SSTR3: variants seen among roughly 807,000 people sequenced by gnomAD.
SSTR3 encodes somatostatin receptor type 3.
For synonymous variants in SSTR3, 281 were observed against 269.2 expected (o/e 1.04, Z -0.43); for missense variants, 504 against 604.7 (o/e 0.83, Z 1.75).
At position 37,210,777 on chromosome 22, in the gene SSTR3, C is replaced by T. The variant is rs1409029135; in HGVS notation, c.-37+1048G>A. On this transcript the variant is annotated intron_variant, in intron 1 of 1. Transcript: ENST00000610913. ...GTTCAGGGAGGCCAGGCACCCCAAT[C>T]ATTCTCCATTTGCCCATCTCCCACC... 7 of 985,426 alleles carry T rather than the reference C, an allele frequency of 7.1e-6. No individual in the cohort carries two copies. In the East Asian group the frequency reaches 7.9e-4, roughly 112 times the overall value. The allele number at this position is 985,426 out of a possible 1,614,324, so 61.0% of individuals were successfully genotyped here. A position where few individuals can be genotyped will look rare whatever the true frequency, so the allele number is the denominator to read the frequency against.
At chr22:37,212,656 A>G (rs1284614989), upstream of SSTR3, among the ~76,000 whole-genome samples, 1 of 152,170 alleles carries the variant, frequency 6.6e-6, no homozygotes, top group South Asian at 2.1e-4. Context: ...GAATGTGCTC[A>G]GTGCTCAGGG....
At position 37,207,423 on chromosome 22, in the gene SSTR3, C is replaced by T. The variant is rs762108913; in HGVS notation, c.381G>A (p.Gln127=). ...CAGTCAGGCAGAATATGCTGGTGAA[C>T]TGGTTGATGCCATCCACCGCCATGA... is the stretch of plus-strand genomic sequence containing the variant. ...RLVMAVDGIN[Q]FTSIFCLTVM... The change falls in exon 2 of 2, where the codon CAG becomes CAA. Residue 127 remains glutamine (Q), a synonymous_variant. Coordinates refer to ENST00000610913, the MANE Select transcript of SSTR3 (RefSeq NM_001051.5). 2 of 1,613,366 alleles carry T rather than the reference C, an allele frequency of 1.2e-6. No individual in the cohort carries two copies. The highest frequency in any genetic ancestry group is 1.7e-6 in the Non-Finnish European group (2 of 1,179,754).
At chr22:37,217,001 A>G (rs991299623), upstream of SSTR3, among the ~76,000 whole-genome samples, 1 of 152,086 alleles carries the variant, frequency 6.6e-6, no homozygotes, top group Non-Finnish European at 1.5e-5. Context: ...GGGTTTTGCC[A>G]TGTTGCCAAG....
Position 37,206,612 on chromosome 22 carries a change from G to C in SSTR3, c.1192C>G (p.Gln398Glu). Residue 398 changes from glutamine to glutamate, a missense_variant, in exon 2 of 2, where the codon CAG becomes GAG. Coordinates refer to ENST00000610913, the MANE Select transcript of SSTR3 (RefSeq NM_001051.5). ...PPSRVASKEQ[Q>E]LLPQEASTGE... ...GTGGAAGCCTCTTGGGGTAGGAGCT[G>C]CTGCTCCTTGCTGGCCACTCTGCTG... 1 of 1,612,054 alleles carries C rather than the reference G, an allele frequency of 6.2e-7. No homozygotes were observed. The highest frequency in any genetic ancestry group is 8.5e-7 in the Non-Finnish European group (1 of 1,179,994).
At chr22:37,216,300 A>G (rs1303511872), upstream of SSTR3, among the ~76,000 whole-genome samples, 2 of 150,602 alleles carry the variant, frequency 1.3e-5, no homozygotes, top group African/African-American at 4.9e-5. Context: ...TAATCCCTCA[A>G]TTTTACCCAT....
rs1318606048 is a variant in SSTR3 at position 37,205,065 on chromosome 22, G to A, written c.*1482C>T. 6.6e-6 allele frequency: 1 copy of A among 152,530 alleles called. No homozygotes were observed. Among genetic ancestry groups the A allele is most frequent in the Non-Finnish European group, 1.5e-5 (1 of 68,314 alleles). 9.4% of individuals were successfully genotyped at this position (152,530 alleles called of 1,614,324 possible). On this transcript the variant is annotated 3_prime_UTR_variant, in exon 2 of 2. Coordinates refer to ENST00000610913, the MANE Select transcript of SSTR3 (RefSeq NM_001051.5). ...GGTCCCCCTCCACAGTCCCACTTCA[G>A]CCTCTTCTTGTCTTCCCTGGGCCTC...
rs750704860 is a variant in SSTR3, at chr22:37,206,724, C to T, written c.1080G>A (p.Glu360=). 3.1e-6 allele frequency: 5 copies of T among 1,608,994 alleles called. No individual in the cohort carries two copies. In the African/African-American group the frequency reaches 4.0e-5, roughly 13 times the overall value. The change falls in exon 2 of 2, where the codon GAG becomes GAA. Residue 360 remains glutamate, a synonymous_variant. Transcript: ENST00000610913. ...EEDEEEEDGE[E]SREGGKGKEM... ...CCTTCCCCTTGCCCCCCTCCCTGCT[C>T]TCCTCCCCATCCTCCTCCTCCTCAT...
chr22:37,208,135 C>T (rs1196260679), intron 1 of SSTR3, among the ~76,000 whole-genome samples: 1 of 152,150 alleles, frequency 6.6e-6, no homozygotes, highest in Non-Finnish European at 1.5e-5. Context: ...TACTGTTTCA[C>T]CAACAAATAC....
chr22:37,214,928 C>T (rs1926374664), upstream of SSTR3, among the ~76,000 whole-genome samples: 1 of 152,214 alleles, frequency 6.6e-6, no homozygotes, highest in Admixed American at 6.5e-5. Flanking sequence ...TAGCAGGCCA[C>T]TCCGGGTCCC....
chr22:37,219,484 C>T, the SSTR3 span, among the ~76,000 whole-genome samples: 2 of 152,168 alleles, frequency 1.3e-5, no homozygotes, highest in Non-Finnish European at 2.9e-5. Flanking sequence ...TAGGGATATC[C>T]TGGATCTGCC....
chr22:37,211,653 C>CGCCCCT (rs1257850014), intron 1 of SSTR3, among the ~76,000 whole-genome samples, 172 bp downstream of exon 1: 7 of 152,268 alleles, frequency 4.6e-5, no homozygotes, highest in African/African-American at 1.4e-4. Flanking sequence ...CTGAGACTAA[C>CGCCCCT]GCCCCTGCCC....
upstream of SSTR3, among the ~76,000 whole-genome samples, chr22:37,213,481 CTGCAGAGAACTGGAAG>C (rs1926303429): frequency 6.6e-6 from 1 of 152,252 alleles, no homozygotes; most frequent in Admixed American, 6.5e-5. Context: ...GTACCTGGCA[CTGCAGAGAACTGGAAG>C]TTGAATGCAT....
chr22:37,207,340 C>T lies in SSTR3; in HGVS notation c.464G>A (p.Arg155His), dbSNP rs376489598. 11 of 1,602,780 alleles carry T rather than the reference C, an allele frequency of 6.9e-6. No individual in the cohort carries two copies. The highest frequency in any genetic ancestry group is 1.1e-5 in the South Asian group (1 of 89,284). ...GACCGTGCGGGCCACCGGAGCTGTG[C>T]GCCAGCGGGCCGAGCGGGTGGGATG... ...VVHPTRSARW[R>H]TAPVARTVSA... Residue 155 changes from arginine (R) to histidine (H), a missense_variant, in exon 2 of 2, where the codon CGC becomes CAC. Transcript: ENST00000610913.
At chr22:37,220,268 C>A in the SSTR3 span, among the ~76,000 whole-genome samples, 10 of 152,028 alleles carry the variant, frequency 6.6e-5, no homozygotes, top group Non-Finnish European at 1.5e-4. Context: ...GCAAGGGTCC[C>A]AAGGTAGAAG....
Position 37,211,976 on chromosome 22 carries a change from T to TCCCTCCCAGGCCCTCCCAGG in SSTR3, c.-189_-188insCCTGGGAGGGCCTGGGAGGG, listed in dbSNP as rs1159493598. On this transcript the variant is annotated 5_prime_UTR_variant, in exon 1 of 2. An upstream open reading frame in the 5' UTR loses its in-frame stop. Coordinates refer to ENST00000610913, the MANE Select transcript of SSTR3 (RefSeq NM_001051.5). ...TTCTAGACCGCTTGCGGGCTCAGGT[T>TCCCTCCCAGGCCCTCCCAGG]CCCTCCCAGGCCCTCGGCCACGGCT... 21 of 985,476 alleles carry TCCCTCCCAGGCCCTCCCAGG rather than the reference T, an allele frequency of 2.1e-5. No homozygotes were observed. The highest frequency in any genetic ancestry group is 6.2e-5 in the Admixed American group (1 of 16,246). 61.0% of individuals were successfully genotyped at this position (985,476 alleles called of 1,614,324 possible).
upstream of SSTR3, among the ~76,000 whole-genome samples, chr22:37,213,456 C>A (rs1424104930): frequency 6.6e-6 from 1 of 152,254 alleles, no homozygotes; most frequent in African/African-American, 2.4e-5. Context: ...AGGGCTGGAC[C>A]TCCTTTGTCA....
intron 1 of SSTR3, chr22:37,210,871 A>G (rs575240988): frequency 3.0e-6 from 3 of 985,370 alleles, no homozygotes; most frequent in Non-Finnish European, 3.6e-6. Context: ...AACCTAGGAC[A>G]TCACCCAGAA....
chr22:37,213,028 C>T (rs1926283801), upstream of SSTR3, among the ~76,000 whole-genome samples: 1 of 152,148 alleles, frequency 6.6e-6, no homozygotes, highest in Non-Finnish European at 1.5e-5. Flanking sequence ...ATAATTGAGG[C>T]CAGTATTTTG....
At chr22:37,208,802 C>A (rs1283814067) in intron 1 of SSTR3, among the ~76,000 whole-genome samples, 2 of 152,214 alleles carry the variant, frequency 1.3e-5, no homozygotes, top group South Asian at 2.1e-4. Flanking sequence ...GCTTTGGACC[C>A]TCCCCATTGC....
Sources: gnomAD v4.1 joint callset for allele counts (sites outside exome capture counted in the v4.1 genomes callset) on GRCh38, gnomAD v4.1.1 for gene constraint, MANE v1.5 for transcripts, NCBI Gene and HGNC (gene_info 2026-07-23, HGNC 2026-07-21) for gene names.